The following CDH8 variants were observed in gnomAD, a reference collection of about 807,000 sequenced individuals.
CDH8 encodes cadherin-8.
CDH8 carries 17 observed loss-of-function variants against 68.1 expected under a neutral mutation model. The observed-to-expected ratio is 0.25, with a 90% CI of 0.17 to 0.37. The LOEUF (loss-of-function observed/expected upper bound fraction) is 0.37, where lower values mean the gene tolerates loss of function less well. Among genes scored for constraint, CDH8 ranks in the 10% least tolerant of loss-of-function variants. The pLI, the probability that CDH8 is intolerant of heterozygous loss-of-function variation, is 1.00. For missense variants in CDH8, 763 were observed against 999.3 expected (o/e 0.76, Z 3.19); for synonymous variants, 372 against 365.1 (o/e 1.02, Z -0.21).
At chr16:61,868,559 G>A (rs1025722318) in intron 3 of CDH8, among the ~76,000 whole-genome samples, 2 of 152,102 alleles carry the variant, frequency 1.3e-5, no homozygotes, top group Non-Finnish European at 2.9e-5. Flanking sequence ...AGCTTCAAAC[G>A]GAGGCTAGTA....
chr16:61,972,971 C>T lies in CDH8; in HGVS notation c.252+48181G>A, dbSNP rs548216804. ...ATTCTGACTTCAAAAGCTACTTTCT[C>T]CAAGTAACAGAAAATTCAAGTCTAA... is the stretch of plus-strand genomic sequence containing the variant. On this transcript the variant is annotated intron_variant, in intron 2 of 11. Transcript: ENST00000577390. Among the ~76,000 whole-genome samples the T allele has an allele frequency of 1.1e-4, 17 of 152,278 alleles. No homozygotes were observed. The East Asian group carries it at 3.1e-3, about 28-fold the overall frequency.
rs990848790 is a variant in CDH8 at position 61,896,638 on chromosome 16, C to T, written c.547+4541G>A. Among the ~76,000 whole-genome samples, 16 of 152,266 alleles carry T rather than the reference C, an allele frequency of 1.1e-4. No individual in the cohort carries two copies. In the East Asian group the frequency reaches 1.9e-3, roughly 18 times the overall value. On this transcript the variant is annotated intron_variant, in intron 3 of 11. Coordinates refer to ENST00000577390, the MANE Select transcript of CDH8 (RefSeq NM_001796.5). ...GAAATGAAGGGAATAATTCACACTT[C>T]GCAATGAAATAATGCAGCCGCCTCT...
At chr16:61,677,909 C>T (rs1382766268) in intron 10 of CDH8, among the ~76,000 whole-genome samples, 2 of 151,904 alleles carry the variant, frequency 1.3e-5, no homozygotes, top group African/African-American at 4.8e-5. Context: ...GAAAAGTCGA[C>T]CAGCATTTAA....
At chr16:61,765,418 C>T (rs1045834986) in intron 8 of CDH8, among the ~76,000 whole-genome samples, 1 of 151,938 alleles carries the variant, frequency 6.6e-6, no homozygotes, top group Admixed American at 6.6e-5. Flanking sequence ...GTTTGTGTCT[C>T]CTGAAATTCA....
chr16:61,727,034 GTCAAA>G, intron 9 of CDH8, 55 bp downstream of exon 9: 1 of 1,567,146 alleles, frequency 6.4e-7, no homozygotes, highest in South Asian at 1.1e-5. Context: ...ATGCAGGTTA[GTCAAA>G]TATGAGACAG....
At chr16:61,720,750 T>C (rs1487088832) in intron 9 of CDH8, among the ~76,000 whole-genome samples, 14 of 150,892 alleles carry the variant, frequency 9.3e-5, no homozygotes, top group Admixed American at 8.6e-4. Flanking sequence ...ATCACAGGAA[T>C]AGTTATTCCA....
intron 10 of CDH8, among the ~76,000 whole-genome samples, chr16:61,699,547 A>G (rs1279134352): frequency 6.6e-6 from 1 of 151,668 alleles, no homozygotes; most frequent in Non-Finnish European, 1.5e-5. Context: ...TAGTCTTTTC[A>G]CTCATCATTA....
At chr16:61,714,953 T>C (rs528522469) in intron 9 of CDH8, among the ~76,000 whole-genome samples, 1 of 151,626 alleles carries the variant, frequency 6.6e-6, no homozygotes, top group Admixed American at 6.6e-5. Flanking sequence ...AAAAAAAAAT[T>C]CCTTTTGAGA....
At chr16:61,891,073 A>G (rs1567516231) in intron 3 of CDH8, among the ~76,000 whole-genome samples, 1 of 151,832 alleles carries the variant, frequency 6.6e-6, no homozygotes, top group East Asian at 1.9e-4. Context: ...CTTTATATAT[A>G]TATTTTATAC....
At chr16:61,807,014 C>T (rs1961800259) in intron 7 of CDH8, among the ~76,000 whole-genome samples, 1 of 66,342 alleles carries the variant, frequency 1.5e-5, no homozygotes, top group Non-Finnish European at 2.7e-5. Context: ...TATAAAGACA[C>T]ATGCACACGT....
At chr16:61,959,755 CTATATA>C (rs1161170033) in intron 2 of CDH8, among the ~76,000 whole-genome samples, 1 of 148,672 alleles carries the variant, frequency 6.7e-6, no homozygotes, top group African/African-American at 2.5e-5. Flanking sequence ...ATCTATATAT[CTATATA>C]TACACACACA....
chr16:62,016,402 T>A (rs1009037660), intron 2 of CDH8, among the ~76,000 whole-genome samples: 1 of 152,234 alleles, frequency 6.6e-6, no homozygotes, highest in Non-Finnish European at 1.5e-5. Context: ...GGCATGGTTG[T>A]ATCAATCACC....
intron 10 of CDH8, among the ~76,000 whole-genome samples, chr16:61,656,848 A>T (rs1963458061): frequency 6.6e-6 from 1 of 152,158 alleles, no homozygotes; most frequent in Admixed American, 6.5e-5. Flanking sequence ...AAGTTGAAAT[A>T]TTTTGTTGTC....
At chr16:61,720,067 T>C (rs911614649) in intron 9 of CDH8, among the ~76,000 whole-genome samples, 6 of 150,672 alleles carry the variant, frequency 4.0e-5, no homozygotes, top group African/African-American at 1.2e-4. Flanking sequence ...CAAGTTTCTA[T>C]GAAAAACTCA....
chr16:61,751,952 T>C (rs1232941002), intron 8 of CDH8, among the ~76,000 whole-genome samples: 2 of 152,280 alleles, frequency 1.3e-5, no homozygotes, highest in East Asian at 1.9e-4. Context: ...ATTTATTCAA[T>C]CAACAGTTCC....
chr16:61,829,299 C>T (rs747482706), intron 4 of CDH8, among the ~76,000 whole-genome samples: 2 of 151,760 alleles, frequency 1.3e-5, no homozygotes, highest in African/African-American at 4.8e-5. Flanking sequence ...GTACTTCTAT[C>T]GCTAGCATCT....
intron 10 of CDH8, among the ~76,000 whole-genome samples, chr16:61,676,600 G>T (rs1345966237): frequency 6.6e-6 from 1 of 151,938 alleles, no homozygotes; most frequent in Non-Finnish European, 1.5e-5. Flanking sequence ...ATGAATAGAA[G>T]GGGATTTCCT....
intron 2 of CDH8, among the ~76,000 whole-genome samples, chr16:61,965,171 TCTAA>T (rs1373047987): frequency 3.9e-5 from 6 of 152,190 alleles, no homozygotes; most frequent in Non-Finnish European, 7.3e-5. Context: ...ATCACTTCTG[TCTAA>T]CTAACCGTAC....
rs1305748590 is a variant in CDH8, at chr16:61,919,094, A to T, written c.253-17621T>A. Among the ~76,000 whole-genome samples the T allele has an allele frequency of 3.4e-5, 5 of 146,262 alleles. 1 individual carries two copies. The Admixed American group carries it at 3.5e-4, about 10-fold the overall frequency. ...CGGCAGGGTATTCCAACAGACCTGCAGCTGAGGGTCCTGTCTGTTAGAAGG... is the reference window on the plus strand; with the variant it reads ...CGGCAGGGTATTCCAACAGACCTGCTGCTGAGGGTCCTGTCTGTTAGAAGG... On this transcript the variant is annotated intron_variant, in intron 2 of 11. Coordinates refer to ENST00000577390, the MANE Select transcript of CDH8 (RefSeq NM_001796.5).
Sources: allele counts gnomAD v4.1 joint callset (sites outside exome capture counted in the v4.1 genomes callset), GRCh38; gene constraint gnomAD v4.1.1; transcripts MANE v1.5; gene names NCBI Gene and HGNC (gene_info 2026-07-23, HGNC 2026-07-21).